The following PALB2 variants were observed in gnomAD, a reference collection of about 807,000 sequenced individuals.
PALB2 encodes partner and localizer of BRCA2.
A neutral mutation model predicts 107.4 loss-of-function variants in PALB2; 82 were observed. The observed-to-expected ratio is 0.76, with a 90% CI of 0.64 to 0.92. The LOEUF (loss-of-function observed/expected upper bound fraction) is 0.92. Ranked by LOEUF, PALB2 falls within the 40% of genes least tolerant of loss-of-function variation. PALB2 has a pLI of 0.00. For missense variants in PALB2, 1,374 were observed against 1,379.9 expected (o/e 1.00, Z 0.07); for synonymous variants, 489 against 496.8 (o/e 0.98, Z 0.21).
At position 23,635,494 on chromosome 16, in the gene PALB2, G is replaced by C. The variant is rs876658656; in HGVS notation, c.1052C>G (p.Thr351Arg). 1.2e-6 allele frequency: 2 copies of C among 1,613,994 alleles called. No individual in the cohort carries two copies. Among genetic ancestry groups the C allele is most frequent in the Non-Finnish European group, 1.7e-6 (2 of 1,179,934 alleles). The change falls in exon 4 of 13, where the codon ACA (threonine) becomes AGA (arginine). Residue 351 changes from threonine to arginine, a missense_variant. Coordinates refer to ENST00000261584, the MANE Select transcript of PALB2 (RefSeq NM_024675.4). ...ENQNLKEQNQTEKSLKSPSDT... is the reference protein window; with the variant it reads ...ENQNLKEQNQREKSLKSPSDT... ...ACTGGGAGATTTTAAAGATTTCTCT[G>C]TTTGATTTTGTTCTTTTAAGTTTTG...
chr16:23,625,555 G>A (rs957312509), intron 7 of PALB2, among the ~76,000 whole-genome samples: 6 of 152,234 alleles, frequency 3.9e-5, no homozygotes, highest in East Asian at 1.9e-4. Context: ...AGCACTTTGC[G>A]AGGCTGAGGC....
intron 11 of PALB2, 73 bp from the exon 12 acceptor site, chr16:23,608,085 A>G (rs2142275218): frequency 6.7e-7 from 1 of 1,501,448 alleles, no homozygotes; most frequent in Non-Finnish European, 9.2e-7. Context: ...GATCTGGCAG[A>G]GACAAAAACC....
At chr16:23,613,740 A>C (rs935028338) in intron 11 of PALB2, among the ~76,000 whole-genome samples, 1 of 152,180 alleles carries the variant, frequency 6.6e-6, no homozygotes, top group African/African-American at 2.4e-5. Flanking sequence ...GTCAAGTCTG[A>C]TAACAGGCAT....
At chr16:23,611,448 GTTATTA>G (rs899503234) in intron 11 of PALB2, among the ~76,000 whole-genome samples, 3 of 148,176 alleles carry the variant, frequency 2.0e-5, no homozygotes, top group Admixed American at 6.7e-5. Context: ...GCCCAGCCTA[GTTATTA>G]TTATTATTAT....
chr16:23,620,985 G>C (rs1439674266), intron 10 of PALB2, among the ~76,000 whole-genome samples: 1 of 152,142 alleles, frequency 6.6e-6, no homozygotes. Flanking sequence ...GAGGCAGGTG[G>C]ATCACTTGAG....
Position 23,641,166 on chromosome 16 carries a change from C to A in PALB2, c.-9G>T. ...CCGGGAGGCTCGTCCATCGGGCAGG[C>A]GACAGAACGAAAAGAGCAGCCGTCG... On this transcript the variant is annotated 5_prime_UTR_variant, in exon 1 of 13. Coordinates refer to ENST00000261584, the MANE Select transcript of PALB2 (RefSeq NM_024675.4). 1.2e-6 allele frequency: 2 copies of A among 1,612,322 alleles called. No homozygotes were observed. Among genetic ancestry groups the A allele is most frequent in the Non-Finnish European group, 1.7e-6 (2 of 1,179,618 alleles).
intron 12 of PALB2, among the ~76,000 whole-genome samples, chr16:23,605,627 G>A (rs1966457982): frequency 1.3e-5 from 2 of 152,018 alleles, no homozygotes; most frequent in African/African-American, 2.4e-5. Context: ...CAGGCTGGTC[G>A]CGAACTCCTG....
At chr16:23,631,516 G>A (rs1011347454) in intron 4 of PALB2, among the ~76,000 whole-genome samples, 7 of 151,702 alleles carry the variant, frequency 4.6e-5, no homozygotes, top group Non-Finnish European at 8.8e-5. Context: ...ACAGTGTATG[G>A]CCAACAGTAT....
intron 11 of PALB2, among the ~76,000 whole-genome samples, chr16:23,611,202 T>A (rs1966581219): frequency 6.6e-6 from 1 of 151,668 alleles, no homozygotes. Context: ...TAGAGTGCAA[T>A]GGCACGATCT....
At chr16:23,604,394 A>C (rs530333010) in intron 12 of PALB2, among the ~76,000 whole-genome samples, 1 of 152,320 alleles carries the variant, frequency 6.6e-6, no homozygotes, top group East Asian at 1.9e-4. Context: ...ACTTGACAGG[A>C]CTGTGGTGAG....
chr16:23,641,221 C>A lies in PALB2; in HGVS notation c.-64G>T. 6.3e-7 allele frequency: 1 copy of A among 1,587,114 alleles called. No homozygotes were observed. The highest frequency in any genetic ancestry group is 8.6e-7 in the Non-Finnish European group (1 of 1,166,010). On this transcript the variant is annotated 5_prime_UTR_variant, in exon 1 of 13. Coordinates refer to ENST00000261584, the MANE Select transcript of PALB2 (RefSeq NM_024675.4). ...CCCCAGGCCTGCCGACACCGGGACC[C>A]AGTTGGCCCTGGGCCGGGGAGGCGC... is the stretch of plus-strand genomic sequence containing the variant.
In PALB2 at chr16:23,614,980, C is replaced by T. The variant is rs1258308069; in HGVS notation, c.3114-889G>A. Among the ~76,000 whole-genome samples the T allele has an allele frequency of 3.9e-5, 5 of 128,530 alleles. 1 individual carries two copies. The highest frequency in any genetic ancestry group is 5.2e-4 in the South Asian group (2 of 3,866). The allele number at this position is 128,530 out of a possible 152,430, so 84.3% of individuals were successfully genotyped here. ...TTTTTTTTTTTTTGAGATGGAGTCT[C>T]GCTCTGTCACCCAGGCTGAGTGCAG... On this transcript the variant is annotated intron_variant, in intron 10 of 12. Coordinates refer to ENST00000261584, the MANE Select transcript of PALB2 (RefSeq NM_024675.4).
At chr16:23,608,344 C>T (rs1050552402) in intron 11 of PALB2, among the ~76,000 whole-genome samples, 5 of 151,966 alleles carry the variant, frequency 3.3e-5, no homozygotes, top group Admixed American at 6.6e-5. Context: ...CGTCAGCCAC[C>T]GCGCTCAGCC....
At chr16:23,607,063 C>A (rs1229886023) in intron 12 of PALB2, among the ~76,000 whole-genome samples, 1 of 152,104 alleles carries the variant, frequency 6.6e-6, no homozygotes, top group African/African-American at 2.4e-5. Context: ...CCTGCCTCAG[C>A]CTCCCAATTG....
rs1966390336 is a variant in PALB2, at chr16:23,603,247, A to C, written c.*212T>G. Reference sequence around the variant, plus strand: ...ATGTACAAATGTGGGAAATTACAAAAATCAACCTAAAACCCTTTTTCTCAA... The same window carrying C: ...ATGTACAAATGTGGGAAATTACAAACATCAACCTAAAACCCTTTTTCTCAA... On this transcript the variant is annotated 3_prime_UTR_variant, in exon 13 of 13. Coordinates refer to ENST00000261584, the MANE Select transcript of PALB2 (RefSeq NM_024675.4). The C allele has an allele frequency of 1.9e-6, 1 of 533,224 alleles. No homozygotes were observed. The highest frequency in any genetic ancestry group is 1.9e-5 in the African/African-American group (1 of 53,030). 33.0% of individuals were successfully genotyped at this position (533,224 alleles called of 1,614,324 possible).
At chr16:23,634,639 T>TTTTATTTATTTATTTA (rs60066032) in intron 4 of PALB2, among the ~76,000 whole-genome samples, 3 of 146,788 alleles carry the variant, frequency 2.0e-5, no homozygotes, top group Non-Finnish European at 3.0e-5. Flanking sequence ...GTCTCTTTAT[T>TTTTATTTATTTATTTA]TTTATTTATT....
chr16:23,624,614 A>G (rs993176208), intron 7 of PALB2, among the ~76,000 whole-genome samples: 1 of 152,192 alleles, frequency 6.6e-6, no homozygotes, highest in African/African-American at 2.4e-5. Context: ...CCTGGGTTCA[A>G]GCGATTCTCC....
At chr16:23,637,795 A>C (rs1235017350) in intron 3 of PALB2, 55 bp downstream of exon 3, 7 of 1,395,142 alleles carry the variant, frequency 5.0e-6, no homozygotes, top group Non-Finnish European at 7.1e-6. Flanking sequence ...CAATAGCCAA[A>C]ATATACCTGG....
At chr16:23,630,979 T>A (rs1302202896) in intron 4 of PALB2, among the ~76,000 whole-genome samples, 1 of 150,580 alleles carries the variant, frequency 6.6e-6, no homozygotes, top group Non-Finnish European at 1.5e-5. Flanking sequence ...TTAAAAAAAA[T>A]AAGGCCAGGC....
Sources: allele counts gnomAD v4.1 joint callset (sites outside exome capture counted in the v4.1 genomes callset), GRCh38; gene constraint gnomAD v4.1.1; transcripts MANE v1.5; gene names NCBI Gene and HGNC (gene_info 2026-07-23, HGNC 2026-07-21).